Variants in PRR12 observed in about 807,000 individuals in gnomAD.
The protein encoded by PRR12 is proline rich 12, also known as proline-rich protein 12.
PRR12 carries 12 observed loss-of-function variants against 138.0 expected under a neutral mutation model. That is an observed-to-expected ratio of 0.09 (90% CI 0.06 to 0.14). The LOEUF is 0.14. PRR12 is among the 10% of genes least tolerant of loss of function. The pLI is 1.00. For missense variants in PRR12, 2,692 were observed against 2,861.3 expected, an observed-to-expected ratio of 0.94 and a Z score of 1.35; for synonymous variants, 1,567 against 1,291.7, an observed-to-expected ratio of 1.21 and a Z score of -4.57.
rs1399941980 is a variant in PRR12 at position 49,599,549 on chromosome 19, C to T, written c.3956C>T (p.Ala1319Val). 2.7e-5 allele frequency: 43 copies of T among 1,595,032 alleles called. No homozygotes were observed. Among genetic ancestry groups the T allele is most frequent in the Non-Finnish European group, 3.2e-5 (37 of 1,171,314 alleles). Residue 1319 changes from alanine to valine, a missense_variant, in exon 5 of 14, where the codon GCC (alanine) becomes GTC (valine). By Grantham distance (64) the Ala-to-Val change is moderately conservative (BLOSUM62 0). Transcript: ENST00000418929. The surrounding 1 kb of genome is among the most constrained non-coding windows in gnomAD (Gnocchi z 5.0). ...PPKSVPPSVP[A>V]RGLQPQPPAT... ...AAGAGTGTGCCACCCTCTGTGCCAG[C>T]CCGAGGCCTGCAGCCCCAGCCCCCT...
Position 49,596,388 on chromosome 19 carries a change from G to A in PRR12, c.2053G>A (p.Gly685Ser). ...GGSGGAGGPP[G>S]TPYELAKEDP... ...GAGTGGCGGGGCCGGGGGACCACCG[G>A]GTACACCCTACGAGTTGGCCAAGGA... The change falls in exon 4 of 14, where the codon GGT becomes AGT. Residue 685 changes from glycine (G) to serine (S), a missense_variant. Gly to Ser is a moderately conservative substitution (Grantham distance 56). This residue lies in a region of PRR12 where 840 missense variants were observed against 689.8 expected (regional missense o/e 1.22). Coordinates refer to ENST00000418929, the MANE Select transcript of PRR12 (RefSeq NM_020719.3). This position sits in a 1 kb window ranked among gnomAD's most constrained non-coding sequence, Gnocchi z 5.6. 3 of 1,603,706 alleles carry A rather than the reference G, an allele frequency of 1.9e-6. No homozygotes were observed. The highest frequency in any genetic ancestry group is 3.4e-5 in the Admixed American group (2 of 59,406).
intron 6 of PRR12, among the ~76,000 whole-genome samples, chr19:49,608,494 C>A (rs1460164815): frequency 1.3e-5 from 2 of 152,032 alleles, no homozygotes; most frequent in African/African-American, 2.4e-5. Context: ...CCTCAGCCTC[C>A]CGAGTAGCGC....
intron 6 of PRR12, among the ~76,000 whole-genome samples, chr19:49,606,335 A>G (rs1265869294): frequency 6.9e-6 from 1 of 144,410 alleles, no homozygotes; most frequent in Admixed American, 7.0e-5. Flanking sequence ...TTTTTGAGAC[A>G]GAGTCTCAGT....
chr19:49,597,289 C>T lies in PRR12; in HGVS notation c.2954C>T (p.Pro985Leu). Residue 985 changes from proline to leucine, a missense_variant, in exon 4 of 14, where the codon CCT becomes CTT. By Grantham distance (98) the Pro-to-Leu change is moderately conservative. Coordinates refer to ENST00000418929, the MANE Select transcript of PRR12 (RefSeq NM_020719.3). This position sits in a 1 kb window ranked among gnomAD's most constrained non-coding sequence, Gnocchi z 6.3. Reference protein sequence around the residue: ...KAGAGPPPGPPAYDPYGPYCP... With the variant: ...KAGAGPPPGPLAYDPYGPYCP... ...GGCGCTGGGCCACCCCCCGGCCCCC[C>T]TGCTTATGATCCCTATGGGCCCTAC... The T allele has an allele frequency of 1.3e-5, 21 of 1,561,878 alleles. No homozygotes were observed. The highest frequency in any genetic ancestry group is 1.7e-5 in the Non-Finnish European group (20 of 1,155,400).
chr19:49,617,868 C>T (rs1257120017), intron 9 of PRR12, among the ~76,000 whole-genome samples: 4 of 152,028 alleles, frequency 2.6e-5, no homozygotes, highest in Non-Finnish European at 4.4e-5. Flanking sequence ...GAGGCCGAAG[C>T]GGGCAAATCA....
chr19:49,591,562 C>A lies in PRR12; in HGVS notation c.-93C>A. ...GAGAAAAGGGGGGAAAAAAAAGCAG[C>A]AGCGGAGGGAGCGGCGGCGGAGGAG... On this transcript the variant is annotated 5_prime_UTR_variant, in exon 1 of 14. Coordinates refer to ENST00000418929, the MANE Select transcript of PRR12 (RefSeq NM_020719.3). 2 of 702,466 alleles carry A rather than the reference C, an allele frequency of 2.8e-6. No homozygotes were observed. The highest frequency in any genetic ancestry group is 2.9e-5 in the South Asian group (1 of 34,172). 43.5% of individuals were successfully genotyped at this position (702,466 alleles called of 1,614,324 possible). A position where few individuals can be genotyped will look rare whatever the true frequency, so the allele number is the denominator to read the frequency against.
chr19:49,600,005 T>C (rs1272604480), intron 5 of PRR12, 67 bp downstream of exon 5: 33 of 1,433,008 alleles, frequency 2.3e-5, no homozygotes. Context: ...GTAACAGTTG[T>C]GCAGGTTACG....
chr19:49,600,129 G>C (rs942797597), intron 5 of PRR12, among the ~76,000 whole-genome samples, 191 bp downstream of exon 5: 1 of 152,212 alleles, frequency 6.6e-6, no homozygotes, highest in African/African-American at 2.4e-5. Context: ...AATTCACTCA[G>C]AGGTGCTAAG....
In PRR12 at chr19:49,596,482, C is replaced by T. The variant is rs199785002; in HGVS notation, c.2147C>T (p.Ala716Val). Residue 716 changes from alanine (A) to valine (V), a missense_variant, in exon 4 of 14, where the codon GCG (alanine) becomes GTG (valine). Transcript: ENST00000418929. This position sits in a 1 kb window ranked among gnomAD's most constrained non-coding sequence, Gnocchi z 5.6. ...TSASLDEGATAALELGLGRLK... is the reference protein window; with the variant it reads ...TSASLDEGATVALELGLGRLK... ...GCCAGCCTGGATGAGGGTGCCACTG[C>T]GGCACTGGAGCTGGGCCTGGGGAGG... 29 of 1,610,606 alleles carry T rather than the reference C, an allele frequency of 1.8e-5. No individual in the cohort carries two copies. The highest frequency in any genetic ancestry group is 1.3e-4 in the East Asian group (6 of 44,836).
intron 10 of PRR12, 138 bp from the exon 11 acceptor site, chr19:49,621,387 G>A (rs868854804): frequency 1.5e-5 from 10 of 687,298 alleles, no homozygotes; most frequent in South Asian, 8.5e-5. Flanking sequence ...TCCTGGGTCC[G>A]AAGGAGGAGG....
At chr19:49,622,412 G>A (rs1431746692) in intron 11 of PRR12, among the ~76,000 whole-genome samples, 3 of 151,948 alleles carry the variant, frequency 2.0e-5, no homozygotes, top group Non-Finnish European at 4.4e-5. Flanking sequence ...ATAAAAAAAA[G>A]TGAAACCCCG....
chr19:49,595,663 A>T lies in PRR12; in HGVS notation c.1328A>T (p.Tyr443Phe). The change falls in exon 4 of 14, where the codon TAT (tyrosine) becomes TTT (phenylalanine). Residue 443 changes from tyrosine (Y) to phenylalanine (F), a missense_variant. Around this residue, in one of 11 missense-constraint regions of PRR12, gnomAD observed 523 missense variants for 496.4 expected, o/e 1.05. Transcript: ENST00000418929. ...GCTGGAGGGGCAGGGGGCCAGGCTTATTCCCCCGGTCAGCCTCAAGGGCTT... is the reference window on the plus strand; with the variant it reads ...GCTGGAGGGGCAGGGGGCCAGGCTTTTTCCCCCGGTCAGCCTCAAGGGCTT... Reference protein sequence around the residue: ...SGAGGAGGQAYSPGQPQGLLG... With the variant: ...SGAGGAGGQAFSPGQPQGLLG... The T allele has an allele frequency of 6.2e-7, 1 of 1,600,394 alleles. No homozygotes were observed. The highest frequency in any genetic ancestry group is 8.5e-7 in the Non-Finnish European group (1 of 1,174,282).
Position 49,624,829 on chromosome 19 carries a change from A to T in PRR12, c.5722-15A>T. 6.2e-7 allele frequency: 1 copy of T among 1,609,606 alleles called. No homozygotes were observed. Among genetic ancestry groups the T allele is most frequent in the East Asian group, 2.2e-5 (1 of 44,846 alleles). On this transcript the variant is annotated splice_polypyrimidine_tract_variant and intron_variant, in intron 11 of 13. Transcript: ENST00000418929. ...ATCCAGGGCAGCATCCAGCTGACCCATTGGCTTCCCGCAGGATGCTCTGCA... is the reference window on the plus strand; with the variant it reads ...ATCCAGGGCAGCATCCAGCTGACCCTTTGGCTTCCCGCAGGATGCTCTGCA...
At chr19:49,603,709 A>G (rs1362830547) in intron 6 of PRR12, among the ~76,000 whole-genome samples, 1 of 152,076 alleles carries the variant, frequency 6.6e-6, no homozygotes, top group Non-Finnish European at 1.5e-5. Context: ...AAAAAATAAT[A>G]ATAATAATAA....
At chr19:49,621,399 G>T in intron 10 of PRR12, 126 bp from the exon 11 acceptor site, 1 of 738,132 alleles carries the variant, frequency 1.4e-6, no homozygotes, top group Admixed American at 2.2e-5. Context: ...AGGAGGAGGG[G>T]GCTGGGGCCT....
At chr19:49,611,166 T>C (rs2080864097) in intron 6 of PRR12, among the ~76,000 whole-genome samples, 1 of 151,816 alleles carries the variant, frequency 6.6e-6, no homozygotes, top group Non-Finnish European at 1.5e-5. Flanking sequence ...CCACAAAAAA[T>C]ACAAAAATTA....
intron 1 of PRR12, 34 bp downstream of exon 1, chr19:49,591,774 C>T (rs2080728956): frequency 7.5e-7 from 1 of 1,340,378 alleles, no homozygotes; most frequent in Non-Finnish European, 9.8e-7. Context: ...AGAAGGGGGC[C>T]AAGGGGTGGG....
Position 49,594,989 on chromosome 19 carries a change from T to A in PRR12, c.654T>A (p.Gly218=), listed in dbSNP as rs1054668275. ...LAGGGVLGPA[G]LGPAQTPPYR... is the part of the protein sequence containing the mutation. The stretch of plus-strand genomic sequence containing the variant: ...GGGGCGGTGTCTTGGGGCCAGCTGG[T>A]CTCGGTCCAGCCCAGACCCCCCCTT... The change falls in exon 4 of 14, where the codon GGT becomes GGA. Residue 218 remains glycine, a synonymous_variant. Coordinates refer to ENST00000418929, the MANE Select transcript of PRR12 (RefSeq NM_020719.3). This position sits in a 1 kb window ranked among gnomAD's most constrained non-coding sequence, Gnocchi z 5.6. 5 of 1,599,144 alleles carry A rather than the reference T, an allele frequency of 3.1e-6. No homozygotes were observed. The African/African-American group carries it at 5.4e-5, about 17-fold the overall frequency.
chr19:49,620,624 T>A, intron 10 of PRR12, 147 bp downstream of exon 10: 1 of 1,219,162 alleles, frequency 8.2e-7, no homozygotes. Flanking sequence ...TGGACCTGGG[T>A]CTGAGAGAGG....
Sources: allele counts gnomAD v4.1 joint callset (sites outside exome capture counted in the v4.1 genomes callset), GRCh38; gene constraint gnomAD v4.1.1; regional missense constraint gnomAD v4.1.1; non-coding constraint Gnocchi (gnomAD v3.1); transcripts MANE v1.5; gene names NCBI Gene and HGNC (gene_info 2026-07-23, HGNC 2026-07-21).